Variants in LDAH observed in about 807,000 individuals in gnomAD.
LDAH encodes lipid droplet-associated hydrolase.
In LDAH, 26 loss-of-function variants were observed where a neutral mutation model predicts 29.6. The observed-to-expected ratio is 0.88, with a 90% CI of 0.64 to 1.22. LDAH has a LOEUF of 1.22. Among genes scored for constraint, LDAH ranks in the 50% most tolerant of loss-of-function variants. The pLI, the probability that LDAH is intolerant of heterozygous loss-of-function variation, is 0.00. For missense variants in LDAH, 344 were observed against 387.3 expected (o/e 0.89, Z 0.94); for synonymous variants, 117 against 133.0 (o/e 0.88, Z 0.83).
chr2:20,712,089 G>T (rs1572452018), intron 5 of LDAH, among the ~76,000 whole-genome samples: 1 of 152,200 alleles, frequency 6.6e-6, no homozygotes, highest in African/African-American at 2.4e-5. Context: ...CCTCAAGTGG[G>T]TCCCTGACCC....
At chr2:20,697,350 G>C (rs79807969) in intron 6 of LDAH, among the ~76,000 whole-genome samples, 8,198 of 152,110 alleles carry the variant, frequency 0.054, 291 homozygotes, top group East Asian at 0.13. Context: ...CAATGCCTTA[G>C]TTCTTATAAA....
At chr2:20,776,346 G>C (rs1391014086) in intron 3 of LDAH, among the ~76,000 whole-genome samples, 1 of 152,060 alleles carries the variant, frequency 6.6e-6, no homozygotes, top group Non-Finnish European at 1.5e-5. Context: ...ATGATGTGAG[G>C]AGTAAAGTGG....
intron 5 of LDAH, among the ~76,000 whole-genome samples, chr2:20,708,693 T>C (rs1289711579): frequency 6.6e-6 from 1 of 152,186 alleles, no homozygotes; most frequent in Non-Finnish European, 1.5e-5. Flanking sequence ...GAATGGATCA[T>C]AGCCCTAAAT....
chr2:20,687,440 T>C (rs1045972471), intron 6 of LDAH, among the ~76,000 whole-genome samples: 1 of 152,256 alleles, frequency 6.6e-6, no homozygotes, highest in Non-Finnish European at 1.5e-5. Context: ...TATTGAGACA[T>C]AGTCACTGAA....
chr2:20,687,144 A>G (rs1290050657), intron 6 of LDAH, 50 bp from the exon 7 acceptor site: 1 of 1,505,808 alleles, frequency 6.6e-7, no homozygotes, highest in African/African-American at 1.4e-5. Context: ...TCCCTTCCTG[A>G]CACAGATATG....
chr2:20,705,849 A>AC (rs1256535911), intron 5 of LDAH, among the ~76,000 whole-genome samples: 1 of 152,164 alleles, frequency 6.6e-6, no homozygotes, highest in Non-Finnish European at 1.5e-5. Flanking sequence ...GTTAAGTCTT[A>AC]GTTTTCACAT....
chr2:20,750,215 G>A (rs943401108), intron 4 of LDAH, among the ~76,000 whole-genome samples: 10 of 151,952 alleles, frequency 6.6e-5, no homozygotes, highest in Non-Finnish European at 1.3e-4. Flanking sequence ...TAGTAGAGAC[G>A]GGGTTTCACC....
chr2:20,704,870 C>T (rs1034138522), intron 5 of LDAH, among the ~76,000 whole-genome samples: 2 of 152,210 alleles, frequency 1.3e-5, no homozygotes, highest in African/African-American at 4.8e-5. Flanking sequence ...TGTACAAACA[C>T]ATCCAATAAT....
At chr2:20,809,739 G>A (rs1253411754) in intron 1 of LDAH, among the ~76,000 whole-genome samples, 2 of 152,090 alleles carry the variant, frequency 1.3e-5, no homozygotes, top group African/African-American at 4.8e-5. Flanking sequence ...ATAAACATAA[G>A]GGCTTTCTAG....
At chr2:20,763,120 G>A (rs528763753) in intron 4 of LDAH, among the ~76,000 whole-genome samples, 2 of 152,306 alleles carry the variant, frequency 1.3e-5, no homozygotes, top group African/African-American at 4.8e-5. Flanking sequence ...TCTTGGTAGT[G>A]CTGTTACCCT....
chr2:20,731,421 G>A (rs1227674978), intron 5 of LDAH, among the ~76,000 whole-genome samples: 1 of 152,190 alleles, frequency 6.6e-6, no homozygotes, highest in Non-Finnish European at 1.5e-5. Context: ...ATAAGTAAAA[G>A]CTACTTGAGG....
intron 6 of LDAH, among the ~76,000 whole-genome samples, chr2:20,690,202 G>A (rs574372538): frequency 1.6e-4 from 25 of 152,104 alleles, no homozygotes; most frequent in African/African-American, 5.6e-4. Flanking sequence ...TAAGGGACCC[G>A]ACACCCACCT....
chr2:20,806,542 C>T (rs1193106335), intron 1 of LDAH, among the ~76,000 whole-genome samples: 1 of 151,952 alleles, frequency 6.6e-6, no homozygotes, highest in Non-Finnish European at 1.5e-5. Flanking sequence ...TTAAAATTGG[C>T]CTAGAAGCCA....
At chr2:20,732,220 T>A (rs1011959629) in intron 5 of LDAH, among the ~76,000 whole-genome samples, 8 of 152,208 alleles carry the variant, frequency 5.3e-5, no homozygotes, top group Admixed American at 5.2e-4. Flanking sequence ...CTTGCATCCC[T>A]GGAATAAATC....
At chr2:20,769,027 A>G (rs2124994704) in intron 4 of LDAH, among the ~76,000 whole-genome samples, 2 of 152,132 alleles carry the variant, frequency 1.3e-5, no homozygotes, top group South Asian at 4.2e-4. Context: ...GTCCATCTCT[A>G]TCAACCTTGA....
intron 5 of LDAH, among the ~76,000 whole-genome samples, chr2:20,708,063 A>T (rs539511347): frequency 1.3e-5 from 2 of 152,296 alleles, no homozygotes; most frequent in African/African-American, 4.8e-5. Context: ...AAAGAAGCTC[A>T]GGGCTCCCTC....
At chr2:20,697,441 C>T (rs1191234252) in intron 6 of LDAH, among the ~76,000 whole-genome samples, 1 of 152,218 alleles carries the variant, frequency 6.6e-6, no homozygotes. Flanking sequence ...GATAATCCCT[C>T]TCATTTGTTA....
intron 1 of LDAH, among the ~76,000 whole-genome samples, chr2:20,802,285 C>A (rs556433581): frequency 6.6e-6 from 1 of 152,068 alleles, no homozygotes; most frequent in South Asian, 2.1e-4. Flanking sequence ...GTCTTGAACC[C>A]CTGATCTCAG....
intron 1 of LDAH, among the ~76,000 whole-genome samples, chr2:20,816,466 G>A (rs1385837193): frequency 1.3e-5 from 2 of 152,024 alleles, no homozygotes; most frequent in South Asian, 2.1e-4. Context: ...TTTAAGTAGT[G>A]ATGGCTACAC....
Sources: gnomAD v4.1 joint callset for allele counts (sites outside exome capture counted in the v4.1 genomes callset) on GRCh38, gnomAD v4.1.1 for gene constraint, MANE v1.5 for transcripts, NCBI Gene and HGNC (gene_info 2026-07-23, HGNC 2026-07-21) for gene names.